MAP4K3: variants seen among roughly 807,000 people sequenced by gnomAD.
The protein encoded by MAP4K3 is MAPK/ERK kinase kinase kinase 3.
Under a neutral mutation model 143.5 loss-of-function variants are expected in MAP4K3, and 94 were observed. That is an observed-to-expected ratio of 0.65 (90% confidence interval 0.55 to 0.78). MAP4K3 has a LOEUF of 0.78. Among genes scored for constraint, MAP4K3 ranks in the 30% least tolerant of loss-of-function variants. The pLI, the probability that MAP4K3 is intolerant of heterozygous loss-of-function variation, is 0.00. For missense variants in MAP4K3, 1,077 were observed against 1,068.1 expected (o/e 1.01, Z -0.12); for synonymous variants, 416 against 347.2 (o/e 1.20, Z -2.20).
intron 16 of MAP4K3, among the ~76,000 whole-genome samples, chr2:39,296,280 A>G (rs1682279261): frequency 6.6e-6 from 1 of 152,230 alleles, no homozygotes. Flanking sequence ...AAATATGGCT[A>G]AATTTGCTAA....
At chr2:39,341,294 T>TA (rs1665132206) in intron 4 of MAP4K3, among the ~76,000 whole-genome samples, 1 of 152,140 alleles carries the variant, frequency 6.6e-6, no homozygotes, top group Admixed American at 6.6e-5. Flanking sequence ...TACCTATCTA[T>TA]ACCCACTTAA....
intron 1 of MAP4K3, among the ~76,000 whole-genome samples, chr2:39,417,376 C>T (rs1027349682): frequency 5.9e-5 from 9 of 152,228 alleles, no homozygotes; most frequent in Middle Eastern, 3.4e-3. Flanking sequence ...CCTGTCACCA[C>T]GCCCGGCTAA....
intron 1 of MAP4K3, among the ~76,000 whole-genome samples, chr2:39,431,777 G>C (rs1665297551): frequency 6.6e-6 from 1 of 152,020 alleles, no homozygotes; most frequent in Non-Finnish European, 1.5e-5. Context: ...ACACTTTTTT[G>C]TGTCAGGTAC....
chr2:39,377,974 C>G, intron 2 of MAP4K3, 92 bp downstream of exon 2: 1 of 796,582 alleles, frequency 1.3e-6, no homozygotes, highest in Non-Finnish European at 2.1e-6. Flanking sequence ...TTGGGGAAAA[C>G]AAGAGAATGT....
chr2:39,345,653 C>T (rs1380853329), intron 3 of MAP4K3, among the ~76,000 whole-genome samples: 3 of 152,182 alleles, frequency 2.0e-5, no homozygotes, highest in Non-Finnish European at 4.4e-5. Context: ...GATGCAGTGG[C>T]TCACGCCTGT....
intron 6 of MAP4K3, among the ~76,000 whole-genome samples, chr2:39,336,005 G>A (rs1410043561): frequency 6.6e-6 from 1 of 151,942 alleles, no homozygotes; most frequent in African/African-American, 2.4e-5. Flanking sequence ...TATGAGGAAG[G>A]ATGAACAAAG....
chr2:39,428,632 T>C (rs12614034), intron 1 of MAP4K3, among the ~76,000 whole-genome samples: 145,540 of 152,054 alleles, frequency 0.96, 70,004 homozygotes, highest in South Asian at 1. Context: ...GCTGAGATCA[T>C]GCCATCGCAC....
chr2:39,343,316 T>G (rs116502019), intron 4 of MAP4K3, 72 bp downstream of exon 4: 32 of 1,024,716 alleles, frequency 3.1e-5, no homozygotes, highest in Non-Finnish European at 4.5e-5. Context: ...AATGTTGATG[T>G]TTTAATATAG....
At chr2:39,379,892 T>A in intron 1 of MAP4K3, 1 of 165,260 alleles carries the variant, frequency 6.1e-6, no homozygotes. Flanking sequence ...AGTTACACAG[T>A]GTTTGTCCAA....
chr2:39,367,354 C>T (rs1162667305), intron 2 of MAP4K3, among the ~76,000 whole-genome samples: 1 of 151,952 alleles, frequency 6.6e-6, no homozygotes, highest in African/African-American at 2.4e-5. Context: ...CTAGCCTGGG[C>T]AACATGGTGA....
At chr2:39,390,897 G>C (rs938549454) in intron 1 of MAP4K3, among the ~76,000 whole-genome samples, 2 of 152,102 alleles carry the variant, frequency 1.3e-5, no homozygotes, top group South Asian at 2.1e-4. Flanking sequence ...TCTGTCTTCA[G>C]AAATCCTGCC....
At chr2:39,312,870 T>C (rs1025226931) in intron 13 of MAP4K3, among the ~76,000 whole-genome samples, 13 of 152,352 alleles carry the variant, frequency 8.5e-5, no homozygotes, top group African/African-American at 3.1e-4. Context: ...GAGGACAGTC[T>C]TGTGCATCTA....
intron 20 of MAP4K3, among the ~76,000 whole-genome samples, chr2:39,287,293 T>C (rs1681829155): frequency 1.8e-5 from 1 of 56,498 alleles, no homozygotes; most frequent in Non-Finnish European, 3.1e-5. Context: ...GAAACTTTAG[T>C]TGCTCTTTTT....
At chr2:39,340,343 C>T (rs1373818099) in intron 4 of MAP4K3, among the ~76,000 whole-genome samples, 1 of 152,122 alleles carries the variant, frequency 6.6e-6, no homozygotes, top group Non-Finnish European at 1.5e-5. Context: ...AACATGGGTA[C>T]AGCCAAAAGA....
intron 1 of MAP4K3, among the ~76,000 whole-genome samples, chr2:39,424,467 G>A (rs1037320826): frequency 2.0e-5 from 3 of 152,038 alleles, no homozygotes; most frequent in African/African-American, 7.3e-5. Context: ...ACATTGGAAC[G>A]GAGACCCCCG....
intron 13 of MAP4K3, among the ~76,000 whole-genome samples, chr2:39,314,378 TA>T (rs763781907): frequency 1.1e-4 from 16 of 152,370 alleles, no homozygotes; most frequent in Admixed American, 4.6e-4. Context: ...ATTTCATAAT[TA>T]TTTTTTGTAT....
Position 39,331,337 on chromosome 2 carries a change from C to T in MAP4K3, c.530+580G>A, listed in dbSNP as rs1019792877. 4.6e-5 allele frequency among the ~76,000 whole-genome samples: 7 copies of T among 151,994 alleles called. No individual in the cohort carries two copies. In the South Asian group the frequency reaches 1.0e-3, roughly 22 times the overall value. On this transcript the variant is annotated intron_variant, in intron 8 of 33. Transcript: ENST00000263881. ...AAAAACTATTCTGTAAATAAATATG[C>T]GAGTAGGATAGTTTTTATACTATGA...
intron 1 of MAP4K3, among the ~76,000 whole-genome samples, chr2:39,395,427 T>C (rs1273221790): frequency 6.6e-6 from 1 of 152,284 alleles, no homozygotes; most frequent in African/African-American, 2.4e-5. Flanking sequence ...TATCTGATAA[T>C]GCTGGCTTTT....
In MAP4K3 at chr2:39,337,954, G is replaced by A. The variant is rs531480170; in HGVS notation, c.311-373C>T. Among the ~76,000 whole-genome samples, 83 of 151,560 alleles carry A rather than the reference G, an allele frequency of 5.5e-4. 1 individual carries two copies. The highest frequency in any genetic ancestry group is 1.9e-3 in the African/African-American group (80 of 41,322). On this transcript the variant is annotated intron_variant, in intron 4 of 33. Transcript: ENST00000263881. ...TATTTTTCATTTTTTGCAGAGATGGGGTCTCATTATCTTGCCCAGGCTGGT... is the reference window on the plus strand; with the variant it reads ...TATTTTTCATTTTTTGCAGAGATGGAGTCTCATTATCTTGCCCAGGCTGGT...
Sources: gnomAD v4.1 joint callset for allele counts (sites outside exome capture counted in the v4.1 genomes callset) on GRCh38, gnomAD v4.1.1 for gene constraint, MANE v1.5 for transcripts, NCBI Gene and HGNC (gene_info 2026-07-23, HGNC 2026-07-21) for gene names.